The following TM9SF4 variants were observed in gnomAD, a reference collection of about 807,000 sequenced individuals.
TM9SF4 encodes dinucleotide oxidase disulfide thiol exchanger 3 superfamily member 4.
TM9SF4 carries 26 observed loss-of-function variants against 90.4 expected under a neutral mutation model. That is an observed-to-expected ratio of 0.29 (90% CI 0.21 to 0.40). The LOEUF (loss-of-function observed/expected upper bound fraction) is 0.40, where lower values mean the gene tolerates loss of function less well. Ranked by LOEUF, TM9SF4 falls within the 10% of genes least tolerant of loss-of-function variation. TM9SF4 has a pLI of 1.00. For synonymous variants in TM9SF4, 293 were observed against 315.4 expected, an observed-to-expected ratio of 0.93 and a Z score of 0.75; for missense variants, 549 against 834.8, an observed-to-expected ratio of 0.66 and a Z score of 4.22.
chr20:32,164,260 A>C (rs560363456), intron 17 of TM9SF4, among the ~76,000 whole-genome samples: 120 of 149,984 alleles, frequency 8.0e-4, no homozygotes, highest in Middle Eastern at 3.4e-3. Flanking sequence ...CATATGGTTC[A>C]CACCTATAAT....
intron 12 of TM9SF4, among the ~76,000 whole-genome samples, chr20:32,153,343 C>G (rs563984707): frequency 6.6e-6 from 1 of 152,342 alleles, no homozygotes; most frequent in Non-Finnish European, 1.5e-5. Flanking sequence ...AAAGATGAAA[C>G]TGGCAATGGA....
chr20:32,159,887 G>A, intron 15 of TM9SF4, 105 bp from the exon 16 acceptor site: 2 of 1,509,216 alleles, frequency 1.3e-6, no homozygotes, highest in Non-Finnish European at 1.8e-6. Context: ...GGGCCCTGAT[G>A]GTGTCATGAT....
intron 1 of TM9SF4, among the ~76,000 whole-genome samples, chr20:32,110,840 T>G (rs189673458): frequency 6.6e-6 from 1 of 152,194 alleles, no homozygotes; most frequent in Admixed American, 6.5e-5. Flanking sequence ...AAAGTTTAGT[T>G]CAAATTCTGC....
intron 1 of TM9SF4, 59 bp from the exon 2 acceptor site, chr20:32,132,954 C>A: frequency 6.7e-7 from 1 of 1,500,650 alleles, no homozygotes; most frequent in Non-Finnish European, 9.2e-7. Flanking sequence ...CTTGATCTGC[C>A]TCAGAGGATC....
At position 32,119,521 on chromosome 20, in the gene TM9SF4, C is replaced by T. The variant is rs1444164719; in HGVS notation, c.15+9766C>T. 6.3e-5 allele frequency among the ~76,000 whole-genome samples: 9 copies of T among 143,644 alleles called. No homozygotes were observed. The Admixed American group carries it at 6.3e-4, about 10-fold the overall frequency. The allele number at this position is 143,644 out of a possible 152,430, so 94.2% of individuals were successfully genotyped here. The stretch of plus-strand genomic sequence containing the variant: ...ACAAATCTCTTGTCCATTTTTAAAT[C>T]GGATTGTCATTTTCTTATTAAGTGT... On this transcript the variant is annotated intron_variant, in intron 1 of 17. Coordinates refer to ENST00000398022, the MANE Select transcript of TM9SF4 (RefSeq NM_014742.4).
chr20:32,114,270 AATGG>A (rs2046189847), intron 1 of TM9SF4, among the ~76,000 whole-genome samples: 1 of 152,186 alleles, frequency 6.6e-6, no homozygotes, highest in African/African-American at 2.4e-5. Context: ...CCTTTGTGCT[AATGG>A]AGCCAATGCC....
intron 1 of TM9SF4, among the ~76,000 whole-genome samples, chr20:32,127,027 C>T (rs533820773): frequency 9.2e-5 from 14 of 152,306 alleles, no homozygotes; most frequent in Admixed American, 7.8e-4. Flanking sequence ...AGCCACCGCA[C>T]CCAGCCTGTT....
At position 32,141,576 on chromosome 20, in the gene TM9SF4, G is replaced by C. The variant is rs755684712; in HGVS notation, c.309G>C (p.Leu103=). ...LMNSEKKCEV[L]CSQSNKPVTL... ...ACAGCGAGAAGAAGTGTGAAGTTCT[G>C]TGCAGCCAGTCCAACAAGCCAGTGA... The change falls in exon 4 of 18, where the codon CTG becomes CTC. Residue 103 remains leucine (L), a synonymous_variant. Coordinates refer to ENST00000398022, the MANE Select transcript of TM9SF4 (RefSeq NM_014742.4). 55 of 1,614,006 alleles carry C rather than the reference G, an allele frequency of 3.4e-5. No homozygotes were observed. Among genetic ancestry groups the C allele is most frequent in the Non-Finnish European group, 4.5e-5 (53 of 1,180,034 alleles).
At chr20:32,140,944 C>T (rs563098537) in intron 3 of TM9SF4, among the ~76,000 whole-genome samples, 19 of 152,022 alleles carry the variant, frequency 1.2e-4, no homozygotes, top group African/African-American at 2.2e-4. Context: ...CTTGGCTGGG[C>T]GCGGTGGCTC....
At chr20:32,138,912 C>T (rs2046632169) in intron 3 of TM9SF4, among the ~76,000 whole-genome samples, 1 of 152,216 alleles carries the variant, frequency 6.6e-6, no homozygotes, top group African/African-American at 2.4e-5. Context: ...TCACCACGAG[C>T]AGGTCTCTGA....
chr20:32,137,393 C>G lies in TM9SF4; in HGVS notation c.229+1220C>G, dbSNP rs948019448. On this transcript the variant is annotated intron_variant, in intron 3 of 17. Coordinates refer to ENST00000398022, the MANE Select transcript of TM9SF4 (RefSeq NM_014742.4). ...ACCCAAGGCTCTATAGTTAGGCACT[C>G]TTAGTATGATCCTGGGTGACCTTAA... is the stretch of plus-strand genomic sequence containing the variant. Among the ~76,000 whole-genome samples the G allele has an allele frequency of 5.9e-5, 9 of 152,338 alleles. 1 individual carries two copies. In the South Asian group the frequency reaches 1.7e-3, roughly 28 times the overall value.
intron 17 of TM9SF4, among the ~76,000 whole-genome samples, chr20:32,162,925 A>G (rs945819014): frequency 6.6e-6 from 1 of 152,218 alleles, no homozygotes; most frequent in African/African-American, 2.4e-5. Context: ...ATAACTGGAA[A>G]GACTAAGAAA....
chr20:32,113,211 CG>C (rs2046172094), intron 1 of TM9SF4, among the ~76,000 whole-genome samples: 1 of 152,118 alleles, frequency 6.6e-6, no homozygotes, highest in South Asian at 2.1e-4. Flanking sequence ...GGTGCAAGTG[CG>C]GTGGCATGTG....
chr20:32,159,693 G>C, intron 15 of TM9SF4: 1 of 421,322 alleles, frequency 2.4e-6, no homozygotes, highest in East Asian at 4.3e-5. Context: ...TTGGTAAGCT[G>C]CTCAAGTGGT....
At chr20:32,162,053 C>G (rs989711531) in intron 17 of TM9SF4, among the ~76,000 whole-genome samples, 1 of 152,154 alleles carries the variant, frequency 6.6e-6, no homozygotes, top group African/African-American at 2.4e-5. Context: ...TACAGATGTC[C>G]CCACGACAGT....
chr20:32,149,620 GCC>G lies in TM9SF4; in HGVS notation c.955-12_955-11del. On this transcript the variant is annotated splice_polypyrimidine_tract_variant and intron_variant, in intron 9 of 17. Transcript: ENST00000398022. ...ATCTTCAACAACCAGCCTCACTCTG[GCC>G]CTTCGCTGCAGGAAGACACCATGGA... 1 of 1,614,130 alleles carries G rather than the reference GCC, an allele frequency of 6.2e-7. No individual in the cohort carries two copies.
intron 15 of TM9SF4, 61 bp from the exon 16 acceptor site, chr20:32,159,931 T>A: frequency 6.2e-7 from 1 of 1,608,718 alleles, no homozygotes; most frequent in South Asian, 1.1e-5. Flanking sequence ...GACAGGTTGG[T>A]GTGCCAGGGG....
intron 9 of TM9SF4, among the ~76,000 whole-genome samples, chr20:32,148,048 T>C (rs2046789011): frequency 6.6e-6 from 1 of 151,220 alleles, no homozygotes; most frequent in African/African-American, 2.4e-5. Context: ...GAGGTAGAGG[T>C]TGCAGTGAGC....
intron 1 of TM9SF4, among the ~76,000 whole-genome samples, chr20:32,119,247 C>T (rs2046271751): frequency 6.6e-6 from 1 of 151,710 alleles, no homozygotes; most frequent in Non-Finnish European, 1.5e-5. Context: ...TCGCTTGAGC[C>T]CAGGAGTTCA....
Sources: allele counts gnomAD v4.1 joint callset (sites outside exome capture counted in the v4.1 genomes callset), GRCh38; gene constraint gnomAD v4.1.1; transcripts MANE v1.5; gene names NCBI Gene and HGNC (gene_info 2026-07-23, HGNC 2026-07-21).